The following SLC24A2 variants were observed in gnomAD, a reference collection of about 807,000 sequenced individuals.
SLC24A2 encodes sodium/potassium/calcium exchanger 2.
A neutral mutation model predicts 62.0 loss-of-function variants in SLC24A2; 36 were observed. The observed-to-expected ratio is 0.58, with a 90% confidence interval of 0.44 to 0.77. The LOEUF (loss-of-function observed/expected upper bound fraction) is 0.77. Among genes scored for constraint, SLC24A2 ranks in the 30% least tolerant of loss-of-function variants. SLC24A2 has a pLI of 0.00. For synonymous variants in SLC24A2, 358 were observed against 294.0 expected (o/e 1.22, Z -2.23); for missense variants, 846 against 817.9 (o/e 1.03, Z -0.42).
the SLC24A2 span, among the ~76,000 whole-genome samples, chr9:20,016,840 G>A: frequency 1.3e-5 from 2 of 152,142 alleles, no homozygotes; most frequent in Admixed American, 1.3e-4. Flanking sequence ...AAGGCAGGAA[G>A]GAGGGGCATA....
the SLC24A2 span, among the ~76,000 whole-genome samples, chr9:20,156,956 G>A: frequency 6.6e-6 from 1 of 151,750 alleles, no homozygotes; most frequent in Non-Finnish European, 1.5e-5. Context: ...CCAATTAAGA[G>A]TGGTTATCCT....
intron 2 of SLC24A2, among the ~76,000 whole-genome samples, chr9:19,711,186 T>C (rs12000977): frequency 0.032 from 4,878 of 152,302 alleles, 268 homozygotes; most frequent in African/African-American, 0.11. Flanking sequence ...AGATGCTGTT[T>C]GCCTTTTTTG....
the SLC24A2 span, among the ~76,000 whole-genome samples, chr9:20,274,799 G>A: frequency 6.6e-6 from 1 of 152,060 alleles, no homozygotes; most frequent in Non-Finnish European, 1.5e-5. Flanking sequence ...TGGGGATGAA[G>A]AAACTCTGCC....
chr9:20,283,429 T>C, the SLC24A2 span, among the ~76,000 whole-genome samples: 1 of 152,170 alleles, frequency 6.6e-6, no homozygotes, highest in African/African-American at 2.4e-5. Flanking sequence ...ATTTTGATCA[T>C]CACTGTCCTC....
chr9:19,991,035 C>T, the SLC24A2 span, among the ~76,000 whole-genome samples: 2 of 146,924 alleles, frequency 1.4e-5, no homozygotes, highest in African/African-American at 2.5e-5. Flanking sequence ...CATATATACA[C>T]ACATACATAC....
At chr9:19,956,372 G>A in the SLC24A2 span, among the ~76,000 whole-genome samples, 1 of 152,214 alleles carries the variant, frequency 6.6e-6, no homozygotes, top group East Asian at 1.9e-4. Context: ...AAATATTTGT[G>A]TCCCCCTGAC....
chr9:20,214,926 T>C, the SLC24A2 span, among the ~76,000 whole-genome samples: 1 of 152,246 alleles, frequency 6.6e-6, no homozygotes, highest in Admixed American at 6.5e-5. Flanking sequence ...CACTTATTTA[T>C]ATAGATACAA....
the SLC24A2 span, among the ~76,000 whole-genome samples, chr9:20,130,352 C>T: frequency 6.6e-6 from 1 of 151,086 alleles, no homozygotes; most frequent in East Asian, 1.9e-4. Flanking sequence ...ATAGATGGCA[C>T]GATGGAAAAT....
chr9:19,874,205 G>C, the SLC24A2 span, among the ~76,000 whole-genome samples: 1 of 150,652 alleles, frequency 6.6e-6, no homozygotes, highest in East Asian at 2.0e-4. Flanking sequence ...TCAGCCTCCT[G>C]AGTAGCTGGG....
In SLC24A2 at chr9:19,520,979, T is replaced by C; in HGVS notation, c.1651A>G (p.Thr551Ala). ...CCCTTCCGGGCCACTATGACACTGG[T>C]GATAAGATCAGGGATGGAGGTCCCA... The part of the protein sequence containing the change: ...AAGTSIPDLI[T>A]SVIVARKGLG... Residue 551 changes from threonine to alanine, a missense_variant, in exon 10 of 11, where the codon ACC becomes GCC. By Grantham distance (58) the Thr-to-Ala change is moderately conservative. Transcript: ENST00000341998. The C allele has an allele frequency of 6.2e-7, 1 of 1,614,056 alleles. No individual in the cohort carries two copies. The highest frequency in any genetic ancestry group is 1.3e-5 in the African/African-American group (1 of 75,026).
At chr9:19,591,531 T>A (rs909404979) in intron 5 of SLC24A2, among the ~76,000 whole-genome samples, 2 of 152,210 alleles carry the variant, frequency 1.3e-5, no homozygotes, top group African/African-American at 4.8e-5. Context: ...TGAGCAAATT[T>A]TACTGAGAGG....
At chr9:20,151,127 C>T in the SLC24A2 span, among the ~76,000 whole-genome samples, 1 of 151,896 alleles carries the variant, frequency 6.6e-6, no homozygotes, top group African/African-American at 2.4e-5. Context: ...CTTAGAACCC[C>T]TAATTAAGTT....
At chr9:20,224,960 A>G in the SLC24A2 span, among the ~76,000 whole-genome samples, 4 of 152,038 alleles carry the variant, frequency 2.6e-5, no homozygotes, top group Non-Finnish European at 5.9e-5. Context: ...ATGACTACAA[A>G]TAAGAGGTAT....
the SLC24A2 span, among the ~76,000 whole-genome samples, chr9:20,218,199 G>A: frequency 3.9e-5 from 6 of 152,180 alleles, no homozygotes; most frequent in East Asian, 1.9e-4. Context: ...CTTAGATCTC[G>A]AGATTCATCC....
the SLC24A2 span, among the ~76,000 whole-genome samples, chr9:20,300,224 G>T: frequency 3.3e-5 from 5 of 152,102 alleles, no homozygotes; most frequent in African/African-American, 9.6e-5. Context: ...TGGAAAATGG[G>T]GTATCTATCC....
chr9:19,617,333 G>C lies in SLC24A2; in HGVS notation c.1078+2251C>G, dbSNP rs186279859. 3.3e-5 allele frequency among the ~76,000 whole-genome samples: 5 copies of C among 152,164 alleles called. No individual in the cohort carries two copies. In the East Asian group the frequency reaches 5.8e-4, roughly 18 times the overall value. ...GTACCAGTCCGTGGTCTGGGGGTTG[G>C]GGACCCCTGTCATAGACCATGATTT... is the stretch of plus-strand genomic sequence containing the variant. On this transcript the variant is annotated intron_variant, in intron 4 of 10. Coordinates refer to ENST00000341998, the MANE Select transcript of SLC24A2 (RefSeq NM_020344.4).
the SLC24A2 span, among the ~76,000 whole-genome samples, chr9:20,156,320 G>C: frequency 4.0e-4 from 60 of 151,734 alleles, no homozygotes; most frequent in Non-Finnish European, 7.1e-4. Context: ...TCCTTCTCTG[G>C]AGCAGATATT....
chr9:19,557,743 A>AT (rs1184833265), intron 7 of SLC24A2, among the ~76,000 whole-genome samples: 1 of 142,814 alleles, frequency 7.0e-6, no homozygotes, highest in Non-Finnish European at 1.5e-5. Flanking sequence ...GAAACATTTA[A>AT]TTGACTTTTT....
At chr9:19,546,376 T>G (rs764289101) in intron 8 of SLC24A2, among the ~76,000 whole-genome samples, 49 of 152,300 alleles carry the variant, frequency 3.2e-4, no homozygotes, top group Middle Eastern at 6.8e-3. Context: ...TTTTCAGTGA[T>G]GCCCTTGCCA....
Sources: gnomAD v4.1 joint callset for allele counts (sites outside exome capture counted in the v4.1 genomes callset) on GRCh38, gnomAD v4.1.1 for gene constraint, MANE v1.5 for transcripts, NCBI Gene and HGNC (gene_info 2026-07-23, HGNC 2026-07-21) for gene names.